COL6A6: variants seen among roughly 807,000 people sequenced by gnomAD.
COL6A6 encodes the protein collagen alpha-6(VI) chain.
COL6A6 carries 183 observed loss-of-function variants against 208.6 expected under a neutral mutation model. The ratio of observed to expected loss-of-function variants is 0.88; its 90% CI spans 0.78 to 0.99. The LOEUF (loss-of-function observed/expected upper bound fraction) is 0.99, where lower values mean the gene tolerates loss of function less well. Ranked by LOEUF, COL6A6 falls within the 50% of genes least tolerant of loss-of-function variation. The pLI, the probability that COL6A6 is intolerant of heterozygous loss-of-function variation, is 0.00. For missense variants in COL6A6, 2,816 were observed against 2,815.2 expected (o/e 1.00, Z -0.01); for synonymous variants, 973 against 1,011.8 (o/e 0.96, Z 0.73).
At chr3:130,616,282 T>C (rs1382475569) in intron 23 of COL6A6, among the ~76,000 whole-genome samples, 1 of 152,144 alleles carries the variant, frequency 6.6e-6, no homozygotes, top group African/African-American at 2.4e-5. Context: ...TGCTTTGTAA[T>C]TTCAGGATTT....
intron 1 of COL6A6, among the ~76,000 whole-genome samples, chr3:130,545,310 A>T (rs2062464003): frequency 6.6e-6 from 1 of 152,142 alleles, no homozygotes; most frequent in Non-Finnish European, 1.5e-5. Context: ...GGTTCTCTCT[A>T]ACTTTTGAAG....
intron 1 of COL6A6, among the ~76,000 whole-genome samples, chr3:130,533,692 G>A (rs150690814): frequency 2.7e-3 from 418 of 152,242 alleles, no homozygotes; most frequent in African/African-American, 9.4e-3. Flanking sequence ...TCCAAGTTTT[G>A]TTTTAATGTA....
At chr3:130,645,419 A>G (rs2065439782) in intron 32 of COL6A6, among the ~76,000 whole-genome samples, 1 of 152,132 alleles carries the variant, frequency 6.6e-6, no homozygotes, top group South Asian at 2.1e-4. Context: ...TTGGGACTAC[A>G]GGCACATGCC....
At chr3:130,532,700 C>A (rs978888411) in intron 1 of COL6A6, among the ~76,000 whole-genome samples, 1 of 152,202 alleles carries the variant, frequency 6.6e-6, no homozygotes, top group African/African-American at 2.4e-5. Context: ...CAAAGTAAAT[C>A]ATTCCAAAAA....
chr3:130,530,278 T>G (rs1262279158), intron 1 of COL6A6, among the ~76,000 whole-genome samples: 1 of 151,806 alleles, frequency 6.6e-6, no homozygotes, highest in Non-Finnish European at 1.5e-5. Context: ...CGTCTGAAGC[T>G]TGTTCCAGTG....
chr3:130,522,336 T>A (rs1304815548), intron 1 of COL6A6, among the ~76,000 whole-genome samples: 2 of 152,202 alleles, frequency 1.3e-5, no homozygotes, highest in Non-Finnish European at 2.9e-5. Context: ...CAGTGAAGAT[T>A]TGGTGTGACT....
chr3:130,519,792 G>A (rs536272623), intron 1 of COL6A6, among the ~76,000 whole-genome samples: 1 of 152,206 alleles, frequency 6.6e-6, no homozygotes, highest in Admixed American at 6.5e-5. Flanking sequence ...TGATGGCGAT[G>A]GTGGTGGTAA....
chr3:130,660,690 T>C (rs1440216529), intron 34 of COL6A6, among the ~76,000 whole-genome samples: 1 of 152,232 alleles, frequency 6.6e-6, no homozygotes, highest in Non-Finnish European at 1.5e-5. Context: ...GTGACTTGGC[T>C]AGGGGCACAC....
Position 130,571,078 on chromosome 3 carries a change from A to C in COL6A6, c.2662A>C (p.Thr888Pro). ...NDQAMGGSTYTAEALGFSDHM... is the reference protein window; with the variant it reads ...NDQAMGGSTYPAEALGFSDHM... Reference sequence around the variant, plus strand: ...CCAAGCCATGGGTGGCAGTACTTATACTGCTGAGGCACTGGGCTTCTCAGA... The same window carrying C: ...CCAAGCCATGGGTGGCAGTACTTATCCTGCTGAGGCACTGGGCTTCTCAGA... The change falls in exon 7 of 37, where the codon ACT (threonine) becomes CCT (proline). Residue 888 changes from threonine to proline, a missense_variant. Physicochemically the swap from Thr to Pro is conservative, Grantham distance 38. Coordinates refer to ENST00000358511, the MANE Select transcript of COL6A6 (RefSeq NM_001102608.3). 1 of 1,613,918 alleles carries C rather than the reference A, an allele frequency of 6.2e-7. No individual in the cohort carries two copies. The highest frequency in any genetic ancestry group is 8.5e-7 in the Non-Finnish European group (1 of 1,179,838).
At chr3:130,590,368 C>G (rs1377323535) in intron 12 of COL6A6, among the ~76,000 whole-genome samples, 1 of 111,526 alleles carries the variant, frequency 9.0e-6, no homozygotes, top group Non-Finnish European at 1.7e-5. Flanking sequence ...ACGTGCAGGT[C>G]TTTTACATAT....
intron 10 of COL6A6, among the ~76,000 whole-genome samples, chr3:130,585,845 G>A (rs185012096): frequency 1.1e-3 from 174 of 152,332 alleles, no homozygotes; most frequent in African/African-American, 3.7e-3. Flanking sequence ...TACAAATTCT[G>A]ATTCAGTAAG....
intron 1 of COL6A6, among the ~76,000 whole-genome samples, chr3:130,523,471 G>C (rs142801232): frequency 6.6e-6 from 1 of 152,178 alleles, no homozygotes; most frequent in African/African-American, 2.4e-5. Context: ...ACTAGCTGAT[G>C]ATCATGGGCA....
rs761833424 is a variant in COL6A6, at chr3:130,661,861, G to A, written c.6055G>A (p.Asp2019Asn). Residue 2019 changes from aspartate to asparagine, a missense_variant, in exon 35 of 37, where the codon GAC becomes AAC. Physicochemically the swap from Asp to Asn is conservative, Grantham distance 23. Transcript: ENST00000358511. Reference sequence around the variant, plus strand: ...GGCCCTATTGAGCCATGCTCCCCCCGACTTCCTACCCAACACTCAGAAGAG... The same window carrying A: ...GGCCCTATTGAGCCATGCTCCCCCCAACTTCCTACCCAACACTCAGAAGAG... ...RVALLSHAPPDFLPNTQKSPV... is the reference protein window; with the variant it reads ...RVALLSHAPPNFLPNTQKSPV... The A allele has an allele frequency of 1.4e-5, 23 of 1,613,742 alleles. 1 individual carries two copies. Among genetic ancestry groups the A allele is most frequent in the Admixed American group, 3.3e-5 (2 of 59,982 alleles).
intron 33 of COL6A6, 116 bp downstream of exon 33, chr3:130,649,678 C>T: frequency 8.9e-7 from 1 of 1,127,288 alleles, no homozygotes; most frequent in Admixed American, 2.9e-5. Flanking sequence ...TTAAAAAATT[C>T]TGGATTGGCA....
intron 3 of COL6A6, among the ~76,000 whole-genome samples, chr3:130,564,746 A>G (rs917207697): frequency 6.6e-6 from 1 of 152,232 alleles, no homozygotes; most frequent in Non-Finnish European, 1.5e-5. Flanking sequence ...GTCGCATTAA[A>G]TCCCCATAAC....
At chr3:130,644,567 A>C (rs1576387051) in intron 31 of COL6A6, among the ~76,000 whole-genome samples, 1 of 152,226 alleles carries the variant, frequency 6.6e-6, no homozygotes, top group Admixed American at 6.5e-5. Context: ...CATATATACT[A>C]TACAAAGATA....
chr3:130,575,610 A>G (rs770137424), intron 8 of COL6A6, among the ~76,000 whole-genome samples: 3 of 152,134 alleles, frequency 2.0e-5, no homozygotes, highest in Non-Finnish European at 2.9e-5. Context: ...ATTTCTCCCA[A>G]TGTCCCCAGA....
Position 130,624,078 on chromosome 3 carries a change from G to T in COL6A6, c.4878+2195G>T, listed in dbSNP as rs577368456. ...ACCGAGAAATGTGCGAGGAGAAAAT[G>T]GATAAAAAGCTGTAAACTACTCTTT... is the stretch of plus-strand genomic sequence containing the variant. On this transcript the variant is annotated intron_variant, in intron 24 of 36. Transcript: ENST00000358511. Among the ~76,000 whole-genome samples, 60 of 152,164 alleles carry T rather than the reference G, an allele frequency of 3.9e-4. 1 individual carries two copies. Among genetic ancestry groups the T allele is most frequent in the African/African-American group, 1.4e-3 (59 of 41,512 alleles).
Position 130,568,193 on chromosome 3 carries a change from G to A in COL6A6, c.1990G>A (p.Val664Ile), listed in dbSNP as rs1192343105. The change falls in exon 6 of 37, where the codon GTC becomes ATC. Residue 664 changes from valine (V) to isoleucine (I), a missense_variant. Transcript: ENST00000358511. ...ACCAGATCGGGTGCAAATTGGTGTA[G>A]TCCAGTTCAGCGACATCAATAAGGA... ...IGPDRVQIGV[V>I]QFSDINKEEF... 1 of 1,613,906 alleles carries A rather than the reference G, an allele frequency of 6.2e-7. No individual in the cohort carries two copies.
Sources: gnomAD v4.1 joint callset for allele counts (sites outside exome capture counted in the v4.1 genomes callset) on GRCh38, gnomAD v4.1.1 for gene constraint, MANE v1.5 for transcripts, NCBI Gene and HGNC (gene_info 2026-07-23, HGNC 2026-07-21) for gene names.